Variants in UIMC1 observed in about 807,000 individuals in gnomAD.
The protein encoded by UIMC1 is BRCA1-A complex subunit RAP80.
UIMC1 carries 42 observed loss-of-function variants against 84.9 expected under a neutral mutation model. The ratio of observed to expected loss-of-function variants is 0.49; its 90% CI spans 0.39 to 0.64. The LOEUF (loss-of-function observed/expected upper bound fraction) is 0.64, where lower values mean the gene tolerates loss of function less well. Among genes scored for constraint, UIMC1 ranks in the 30% least tolerant of loss-of-function variants. The pLI is 0.00. For synonymous variants in UIMC1, 281 were observed against 293.0 expected (o/e 0.96, Z 0.42); for missense variants, 825 against 847.6 (o/e 0.97, Z 0.33).
At position 176,956,036 on chromosome 5, in the gene UIMC1, C is replaced by A; in HGVS notation, c.1263-1G>T. On this transcript the variant is annotated splice_acceptor_variant, in intron 7 of 14. Coordinates refer to ENST00000511320, the MANE Select transcript of UIMC1 (RefSeq NM_001199298.2). LOFTEE classifies it high-confidence loss of function. ...TCTCTTACTGGTCAAAGCAGCAACA[C>A]TGAAAGAGAACCAAATCCCAAATGA... 2 of 1,612,854 alleles carry A rather than the reference C, an allele frequency of 1.2e-6. No individual in the cohort carries two copies. The highest frequency in any genetic ancestry group is 1.7e-6 in the Non-Finnish European group (2 of 1,179,472).
At chr5:177,007,981 A>G (rs7726380), upstream of UIMC1, among the ~76,000 whole-genome samples, 2 of 151,662 alleles carry the variant, frequency 1.3e-5, no homozygotes, top group South Asian at 2.1e-4. Flanking sequence ...GGTACATGCC[A>G]GTAATCCCAG....
chr5:177,002,529 C>A (rs1362673373), intron 1 of UIMC1, among the ~76,000 whole-genome samples: 1 of 151,948 alleles, frequency 6.6e-6, no homozygotes, highest in Non-Finnish European at 1.5e-5. Flanking sequence ...TGGCTGGGCA[C>A]GGTGGCTCAC....
intron 6 of UIMC1, among the ~76,000 whole-genome samples, chr5:176,961,877 C>T (rs1172562828): frequency 1.4e-4 from 7 of 49,944 alleles, no homozygotes; most frequent in East Asian, 7.7e-4. Context: ...CCAGCCGCCC[C>T]GTCCGGGAGG....
chr5:176,931,008 G>A (rs1763018784), intron 10 of UIMC1, among the ~76,000 whole-genome samples: 1 of 150,992 alleles, frequency 6.6e-6, no homozygotes, highest in African/African-American at 2.4e-5. Context: ...TCCCCTGTGT[G>A]TCCCAGCTCT....
intron 6 of UIMC1, 99 bp from the exon 7 acceptor site, chr5:176,958,253 C>A (rs935619951): frequency 5.3e-5 from 49 of 919,510 alleles, no homozygotes; most frequent in Non-Finnish European, 7.9e-5. Flanking sequence ...TCTCCCTCAA[C>A]AATTAACAAT....
intron 2 of UIMC1, 61 bp from the exon 3 acceptor site, chr5:176,975,541 C>T: frequency 4.5e-6 from 7 of 1,543,264 alleles, no homozygotes; most frequent in Non-Finnish European, 6.3e-6. Flanking sequence ...ATTTCTCTCT[C>T]TTCTACCTCC....
intron 1 of UIMC1, among the ~76,000 whole-genome samples, chr5:176,996,937 G>C (rs936268704): frequency 2.0e-5 from 3 of 152,094 alleles, no homozygotes; most frequent in African/African-American, 7.2e-5. Flanking sequence ...AAATATCCCA[G>C]AATGGTCAGA....
rs928066639 is a variant in UIMC1, at chr5:176,905,247, A to C, written c.*35T>G. 3.7e-6 allele frequency: 6 copies of C among 1,607,574 alleles called. No individual in the cohort carries two copies. The highest frequency in any genetic ancestry group is 3.4e-6 in the Non-Finnish European group (4 of 1,175,554). On this transcript the variant is annotated 3_prime_UTR_variant, in exon 15 of 15. Coordinates refer to ENST00000511320, the MANE Select transcript of UIMC1 (RefSeq NM_001199298.2). Reference sequence around the variant, plus strand: ...TTAATGAACATGGCCCACCCCTCCTACTAATGGTTTTGTCAACTTTTGGAC... The same window carrying C: ...TTAATGAACATGGCCCACCCCTCCTCCTAATGGTTTTGTCAACTTTTGGAC...
intron 1 of UIMC1, among the ~76,000 whole-genome samples, chr5:176,984,441 G>A (rs10079172): frequency 0.085 from 12,079 of 141,946 alleles, 1,178 homozygotes; most frequent in African/African-American, 0.23. Context: ...GAGCGCCTCT[G>A]CCCGGCTGCC....
intron 10 of UIMC1, among the ~76,000 whole-genome samples, chr5:176,925,784 T>C (rs755417500): frequency 1.3e-5 from 2 of 152,144 alleles, no homozygotes; most frequent in Non-Finnish European, 2.9e-5. Context: ...AGAAGAGATA[T>C]GAGGGAATCT....
At chr5:176,909,004 C>T (rs1759769663) in intron 11 of UIMC1, among the ~76,000 whole-genome samples, 1 of 152,210 alleles carries the variant, frequency 6.6e-6, no homozygotes, top group Admixed American at 6.5e-5. Context: ...ATAAAATATT[C>T]TGTCGAACTC....
chr5:176,985,227 A>G (rs959182171), intron 1 of UIMC1, among the ~76,000 whole-genome samples: 247 of 152,202 alleles, frequency 1.6e-3, no homozygotes, highest in African/African-American at 5.7e-3. Flanking sequence ...AAGCTGAGGC[A>G]GGTGGATCAT....
chr5:176,973,651 C>T (rs1769611869), intron 3 of UIMC1, among the ~76,000 whole-genome samples: 1 of 151,748 alleles, frequency 6.6e-6, no homozygotes, highest in African/African-American at 2.4e-5. Flanking sequence ...CACCTACAGT[C>T]TCAGCTACTC....
intron 2 of UIMC1, among the ~76,000 whole-genome samples, chr5:176,975,997 A>T (rs959905854): frequency 1.3e-5 from 2 of 152,200 alleles, no homozygotes; most frequent in African/African-American, 4.8e-5. Flanking sequence ...ACAAAAAATA[A>T]AATAGAGAAA....
intron 1 of UIMC1, among the ~76,000 whole-genome samples, chr5:177,012,629 G>A (rs1775574254): frequency 6.6e-6 from 1 of 152,014 alleles, no homozygotes; most frequent in Non-Finnish European, 1.5e-5. Flanking sequence ...GGAGGTGGAG[G>A]TTGCAATGAG....
intron 1 of UIMC1, among the ~76,000 whole-genome samples, chr5:177,019,918 A>T (rs1581743356): frequency 6.8e-6 from 1 of 146,166 alleles, no homozygotes; most frequent in African/African-American, 2.6e-5. Context: ...GGCAACAGAG[A>T]CTCCGTCTAT....
intron 1 of UIMC1, among the ~76,000 whole-genome samples, chr5:176,998,301 T>C (rs1773930880): frequency 6.6e-6 from 1 of 151,356 alleles, no homozygotes; most frequent in South Asian, 2.1e-4. Context: ...CCATCTCTAC[T>C]AAAAATACAA....
At chr5:176,972,244 T>C (rs1769353325) in intron 3 of UIMC1, among the ~76,000 whole-genome samples, 1 of 148,614 alleles carries the variant, frequency 6.7e-6, no homozygotes, top group South Asian at 2.1e-4. Context: ...ACTAAAAAAA[T>C]ACAAAAAATC....
Position 176,968,708 on chromosome 5 carries a change from G to A in UIMC1, c.1047C>T (p.Ile349=), listed in dbSNP as rs1768700107. The A allele has an allele frequency of 6.2e-7, 1 of 1,613,992 alleles. No homozygotes were observed. Among genetic ancestry groups the A allele is most frequent in the Admixed American group, 1.7e-5 (1 of 59,994 alleles). The part of the protein sequence containing the change: ...GEQASEKNEC[I]SEDMGDEDKE... ...TGTCTTCATCTCCCATATCTTCTGA[G>A]ATGCATTCATTTTTCTCACTAGCCT... is the stretch of plus-strand genomic sequence containing the variant. Residue 349 remains isoleucine, a synonymous_variant, in exon 6 of 15, where the codon ATC becomes ATT. Coordinates refer to ENST00000511320, the MANE Select transcript of UIMC1 (RefSeq NM_001199298.2).
Sources: allele counts gnomAD v4.1 joint callset (sites outside exome capture counted in the v4.1 genomes callset), GRCh38; gene constraint gnomAD v4.1.1; transcripts MANE v1.5; gene names NCBI Gene and HGNC (gene_info 2026-07-23, HGNC 2026-07-21).